The following PIEZO2 variants were observed in gnomAD, a reference collection of about 807,000 sequenced individuals.
PIEZO2 encodes piezo type mechanosensitive ion channel component 2, also known as piezo-type mechanosensitive ion channel component 2.
PIEZO2 carries 172 observed loss-of-function variants against 337.3 expected under a neutral mutation model. The ratio of observed to expected loss-of-function variants is 0.51; its 90% confidence interval spans 0.45 to 0.58. The LOEUF is 0.58. PIEZO2 is among the 20% of genes least tolerant of loss of function. The pLI is 0.00. For missense variants in PIEZO2, 3,028 were observed against 3,391.3 expected, an observed-to-expected ratio of 0.89 and a Z score of 2.66; for synonymous variants, 1,251 against 1,228.5, an observed-to-expected ratio of 1.02 and a Z score of -0.38.
At position 11,116,061 on chromosome 18, in the gene PIEZO2, T is replaced by C. The variant is rs569809608; in HGVS notation, c.64+32464A>G. On this transcript the variant is annotated intron_variant, in intron 1 of 55. Transcript: ENST00000674853. This position sits in a 1 kb window ranked among gnomAD's most constrained non-coding sequence, Gnocchi z 5.0. The stretch of plus-strand genomic sequence containing the variant: ...AGGAAACATTAGTAATAAAAATGTA[T>C]TTTCACAGTGTTTAGAGCTAAATAA... Among the ~76,000 whole-genome samples, 1 of 152,356 alleles carries C rather than the reference T, an allele frequency of 6.6e-6. No homozygotes were observed. Among genetic ancestry groups the C allele is most frequent in the African/African-American group, 2.4e-5 (1 of 41,592 alleles).
Position 10,982,152 on chromosome 18 carries a change from C to T in PIEZO2, c.161-2492G>A, listed in dbSNP as rs1184552020. Reference sequence around the variant, plus strand: ...TTCAAAGAGAAAGCTTTCAAGAGTTCTATTATGCAAAATTTTGCAGCAGCT... The same window carrying T: ...TTCAAAGAGAAAGCTTTCAAGAGTTTTATTATGCAAAATTTTGCAGCAGCT... On this transcript the variant is annotated intron_variant, in intron 2 of 55. Transcript: ENST00000674853. The surrounding 1 kb of genome is among the most constrained non-coding windows in gnomAD (Gnocchi z 4.1). Among the ~76,000 whole-genome samples the T allele has an allele frequency of 6.6e-6, 1 of 152,100 alleles. No homozygotes were observed. The highest frequency in any genetic ancestry group is 6.5e-5 in the Admixed American group (1 of 15,280).
chr18:10,897,213 G>C (rs993849348), intron 4 of PIEZO2, among the ~76,000 whole-genome samples: 5 of 151,094 alleles, frequency 3.3e-5, no homozygotes, highest in Non-Finnish European at 7.4e-5. Context: ...CTGAGATGGA[G>C]CCTCGCTCTG....
chr18:10,922,563 T>G (rs1436641265), intron 3 of PIEZO2, among the ~76,000 whole-genome samples: 2 of 151,942 alleles, frequency 1.3e-5, no homozygotes, highest in East Asian at 3.9e-4. Context: ...GATTCCTTAG[T>G]AGCTGAGCGA....
intron 2 of PIEZO2, among the ~76,000 whole-genome samples, chr18:10,997,097 A>T (rs2035350936): frequency 6.6e-6 from 1 of 152,126 alleles, no homozygotes; most frequent in South Asian, 2.1e-4. Context: ...AGAACTGTCC[A>T]ACTCCCAAAC....
At chr18:10,689,535 A>T in intron 49 of PIEZO2, 120 bp downstream of exon 49, 1 of 1,315,988 alleles carries the variant, frequency 7.6e-7, no homozygotes, top group Non-Finnish European at 1.1e-6. Context: ...TGGGACATTT[A>T]TAGGTTGTGG....
chr18:10,874,989 G>C (rs1386565132), intron 4 of PIEZO2, among the ~76,000 whole-genome samples: 1 of 152,026 alleles, frequency 6.6e-6, no homozygotes, highest in Non-Finnish European at 1.5e-5. Flanking sequence ...CAAAGAAATG[G>C]TAAATGTTTG....
At chr18:11,012,371 G>T (rs755096882) in intron 2 of PIEZO2, among the ~76,000 whole-genome samples, 1 of 152,114 alleles carries the variant, frequency 6.6e-6, no homozygotes, top group Non-Finnish European at 1.5e-5. Context: ...AAGCATATAG[G>T]ACACTTAGAG....
At chr18:11,049,799 C>T (rs1234524460) in intron 2 of PIEZO2, among the ~76,000 whole-genome samples, 3 of 152,164 alleles carry the variant, frequency 2.0e-5, no homozygotes, top group Non-Finnish European at 4.4e-5. Context: ...TGAGGCCTCC[C>T]CAGCCACGTG....
intron 7 of PIEZO2, among the ~76,000 whole-genome samples, chr18:10,840,331 T>C (rs1189858): frequency 0.67 from 101,828 of 152,050 alleles, 34,475 homozygotes; most frequent in East Asian, 0.94. Context: ...GCTTGTGCCA[T>C]GTATGTTAAT....
chr18:11,020,917 T>C (rs2036287514), intron 2 of PIEZO2, among the ~76,000 whole-genome samples: 1 of 152,130 alleles, frequency 6.6e-6, no homozygotes, highest in East Asian at 1.9e-4. Flanking sequence ...ACTCAAGAAG[T>C]AAACAACCCC....
In PIEZO2 at chr18:10,720,222, A is replaced by ATGTGTG. The variant is rs199985733; in HGVS notation, c.5030-1969_5030-1964dup. Among the ~76,000 whole-genome samples the ATGTGTG allele has an allele frequency of 3.4e-3, 469 of 139,888 alleles. 29 individuals carry two copies. The highest frequency in any genetic ancestry group is 0.012 in the African/African-American group (454 of 37,360). The allele number at this position is 139,888 out of a possible 152,430, so 91.8% of individuals were successfully genotyped here. On this transcript the variant is annotated intron_variant, in intron 36 of 55. Coordinates refer to ENST00000674853, the MANE Select transcript of PIEZO2 (RefSeq NM_001378183.1). ...GATATATATATGTATATATGAATAT[A>ATGTGTG]TGTGTGTGTGTGTATATATATATAT...
chr18:10,691,470 A>C lies in PIEZO2; in HGVS notation c.7191-87T>G, dbSNP rs180679022. Reference sequence around the variant, plus strand: ...AGTGTCAAATTAAAACAACAGGCCAACAGAATTTCCCCTTCATCATTCCAA... The same window carrying C: ...AGTGTCAAATTAAAACAACAGGCCACCAGAATTTCCCCTTCATCATTCCAA... On this transcript the variant is annotated intron_variant, in intron 47 of 55. Transcript: ENST00000674853. 1.6e-3 allele frequency: 2,208 copies of C among 1,358,998 alleles called. 1 individual carries two copies. The highest frequency in any genetic ancestry group is 2.0e-3 in the Non-Finnish European group (2,006 of 984,802). 84.2% of individuals were successfully genotyped at this position (1,358,998 alleles called of 1,614,324 possible).
rs946364471 is a variant in PIEZO2, at chr18:10,846,419, C to T, written c.917+8934G>A. On this transcript the variant is annotated intron_variant, in intron 7 of 55. Coordinates refer to ENST00000674853, the MANE Select transcript of PIEZO2 (RefSeq NM_001378183.1). This position sits in a 1 kb window ranked among gnomAD's most constrained non-coding sequence, Gnocchi z 4.1. ...GGTGGGGTCATAGCAAAACCTATCA[C>T]TTAGAGTTCAAGAAAATCAAGTTTT... Among the ~76,000 whole-genome samples the T allele has an allele frequency of 6.6e-5, 10 of 152,304 alleles. No homozygotes were observed. The highest frequency in any genetic ancestry group is 2.2e-4 in the African/African-American group (9 of 41,568).
At chr18:11,115,449 C>T (rs932892930) in intron 1 of PIEZO2, among the ~76,000 whole-genome samples, 1 of 152,228 alleles carries the variant, frequency 6.6e-6, no homozygotes, top group Non-Finnish European at 1.5e-5. Flanking sequence ...ATAGTTGAGA[C>T]ATCCTAAATG....
intron 8 of PIEZO2, among the ~76,000 whole-genome samples, chr18:10,804,863 A>G (rs1443616798): frequency 6.6e-6 from 1 of 152,206 alleles, no homozygotes; most frequent in African/African-American, 2.4e-5. Context: ...CATTGACTCA[A>G]TGCAACAGGC....
chr18:10,828,594 C>T lies in PIEZO2; in HGVS notation c.918-21320G>A, dbSNP rs1481952244. 2.0e-5 allele frequency among the ~76,000 whole-genome samples: 3 copies of T among 152,032 alleles called. No homozygotes were observed. Among genetic ancestry groups the T allele is most frequent in the African/African-American group, 4.8e-5 (2 of 41,374 alleles). On this transcript the variant is annotated intron_variant, in intron 7 of 55. Transcript: ENST00000674853. This position sits in a 1 kb window ranked among gnomAD's most constrained non-coding sequence, Gnocchi z 4.1. ...TTGCAAAGTGTGTGAGATATTGGTGCCCAGAGAGGGTCCGGAACTCAAATA... is the reference window on the plus strand; with the variant it reads ...TTGCAAAGTGTGTGAGATATTGGTGTCCAGAGAGGGTCCGGAACTCAAATA...
At chr18:11,133,484 G>A (rs1599010505) in intron 1 of PIEZO2, among the ~76,000 whole-genome samples, 1 of 152,252 alleles carries the variant, frequency 6.6e-6, no homozygotes. Context: ...TGTGGGTGTT[G>A]CCAAAAGAGA....
At chr18:11,122,553 A>G (rs967501357) in intron 1 of PIEZO2, among the ~76,000 whole-genome samples, 3 of 152,188 alleles carry the variant, frequency 2.0e-5, no homozygotes, top group African/African-American at 7.2e-5. Context: ...CAATATGAAA[A>G]CTAGTAGCAA....
At chr18:10,721,058 G>T (rs1045723243) in intron 36 of PIEZO2, among the ~76,000 whole-genome samples, 1 of 152,122 alleles carries the variant, frequency 6.6e-6, no homozygotes, top group Non-Finnish European at 1.5e-5. Flanking sequence ...TTGCAGTTTT[G>T]ATATCATTAG....
Sources: allele counts gnomAD v4.1 joint callset (sites outside exome capture counted in the v4.1 genomes callset), GRCh38; gene constraint gnomAD v4.1.1; non-coding constraint Gnocchi (gnomAD v3.1); transcripts MANE v1.5; gene names NCBI Gene and HGNC (gene_info 2026-07-23, HGNC 2026-07-21).